TULP4: variants seen among roughly 807,000 people sequenced by gnomAD.
TULP4 encodes the protein TUB like protein 4, also known as tubby-related protein 4.
A neutral mutation model predicts 129.0 loss-of-function variants in TULP4; 16 were observed. The ratio of observed to expected loss-of-function variants is 0.12; its 90% confidence interval spans 0.08 to 0.19. The LOEUF is 0.19. TULP4 is among the 10% of genes least tolerant of loss of function. TULP4 has a pLI of 1.00. For missense variants in TULP4, 1,842 were observed against 2,059.1 expected (o/e 0.89, Z 2.04); for synonymous variants, 998 against 854.0 (o/e 1.17, Z -2.94).
At chr6:158,243,635 T>C (rs899471380) in intron 1 of TULP4, among the ~76,000 whole-genome samples, 70 of 152,168 alleles carry the variant, frequency 4.6e-4, no homozygotes, top group African/African-American at 1.6e-3. Context: ...ATTTTATTTC[T>C]TGTGTTTCCT....
chr6:158,259,082 T>C (rs1372480241), intron 1 of TULP4, among the ~76,000 whole-genome samples: 1 of 152,038 alleles, frequency 6.6e-6, no homozygotes, highest in East Asian at 1.9e-4. Context: ...ATACAAAAAT[T>C]AGCCAAGGGT....
intron 1 of TULP4, among the ~76,000 whole-genome samples, chr6:158,235,181 G>GA (rs371171313): frequency 0.18 from 23,986 of 135,670 alleles, 2,112 homozygotes; most frequent in Middle Eastern, 0.25. Flanking sequence ...CTGTCTCAAA[G>GA]AAAAAAAAAA....
At chr6:158,312,266 G>C, upstream of TULP4, 1 of 396,530 alleles carries the variant, frequency 2.5e-6, no homozygotes, top group South Asian at 1.4e-4. Context: ...GAATCAGATG[G>C]AGCAACTTGA....
intron 1 of TULP4, among the ~76,000 whole-genome samples, chr6:158,236,004 T>G (rs1448758780): frequency 6.6e-6 from 1 of 152,248 alleles, no homozygotes; most frequent in Non-Finnish European, 1.5e-5. Context: ...ATATGGATGA[T>G]GACATTCCAG....
intron 1 of TULP4, among the ~76,000 whole-genome samples, chr6:158,294,355 T>TC (rs1198828618): frequency 1.3e-5 from 2 of 148,368 alleles, no homozygotes; most frequent in African/African-American, 5.0e-5. Flanking sequence ...AGAGCAAGAC[T>TC]CCATCTCAAA....
At chr6:158,254,219 T>G (rs9356545) in intron 1 of TULP4, among the ~76,000 whole-genome samples, 49,868 of 151,758 alleles carry the variant, frequency 0.33, 9,180 homozygotes, top group Admixed American at 0.45. Context: ...CTCGGCTCAC[T>G]GCAGCCTCCG....
At chr6:158,302,778 T>C (rs1779153306) in intron 1 of TULP4, among the ~76,000 whole-genome samples, 1 of 152,010 alleles carries the variant, frequency 6.6e-6, no homozygotes, top group Non-Finnish European at 1.5e-5. Flanking sequence ...ATATTTTGAC[T>C]GGGAGCACTG....
At chr6:158,243,592 T>C (rs941136186) in intron 1 of TULP4, among the ~76,000 whole-genome samples, 5 of 152,178 alleles carry the variant, frequency 3.3e-5, no homozygotes, top group African/African-American at 1.2e-4. Context: ...AACTGAATTT[T>C]ATTCTTTGCA....
intron 1 of TULP4, among the ~76,000 whole-genome samples, chr6:158,248,120 A>G (rs1407101752): frequency 1.3e-5 from 2 of 152,192 alleles, no homozygotes; most frequent in African/African-American, 4.8e-5. Flanking sequence ...TGTTAACTGT[A>G]TGTTAACAGA....
At chr6:158,288,050 C>T (rs1314279368) in intron 1 of TULP4, among the ~76,000 whole-genome samples, 2 of 152,180 alleles carry the variant, frequency 1.3e-5, no homozygotes, top group Admixed American at 6.5e-5. Flanking sequence ...GGTTTGAATT[C>T]TGGCTTCAGC....
At chr6:158,300,108 A>T (rs1230594411) in intron 1 of TULP4, among the ~76,000 whole-genome samples, 1 of 152,272 alleles carries the variant, frequency 6.6e-6, no homozygotes, top group East Asian at 1.9e-4. Flanking sequence ...CCAGGTATGA[A>T]GGTGGTCTCT....
At position 158,453,821 on chromosome 6, in the gene TULP4, C is replaced by T. The variant is rs188212788; in HGVS notation, c.859+1553C>T. 6.0e-4 allele frequency among the ~76,000 whole-genome samples: 88 copies of T among 147,674 alleles called. 1 individual carries two copies. In the East Asian group the frequency reaches 0.015, roughly 25 times the overall value. ...AAAAAAAAAAAGCCAGGTGTGGTGG[C>T]GTGTGCCTATAGTCCCAGCTACTTG... On this transcript the variant is annotated intron_variant, in intron 5 of 13. Transcript: ENST00000367097.
At chr6:158,380,894 CAA>C (rs1227720723) in intron 1 of TULP4, among the ~76,000 whole-genome samples, 3 of 72,242 alleles carry the variant, frequency 4.2e-5, no homozygotes, top group South Asian at 5.7e-4. Context: ...ACTCTGTCTC[CAA>C]AAAAAAAAAA....
intron 1 of TULP4, among the ~76,000 whole-genome samples, chr6:158,402,941 C>T (rs1181061032): frequency 7.1e-6 from 1 of 140,508 alleles, no homozygotes; most frequent in Admixed American, 7.6e-5. Context: ...CAACCGATAA[C>T]AGCACACAAT....
At chr6:158,442,301 G>C (rs962230758) in intron 3 of TULP4, among the ~76,000 whole-genome samples, 2 of 152,162 alleles carry the variant, frequency 1.3e-5, no homozygotes, top group Non-Finnish European at 2.9e-5. Context: ...ATATATTTCA[G>C]TGTGTTTTGA....
At chr6:158,506,432 C>G (rs893633945) in intron 13 of TULP4, 146 bp from the exon 14 acceptor site, 7 of 659,398 alleles carry the variant, frequency 1.1e-5, no homozygotes, top group Non-Finnish European at 1.7e-5. Context: ...GGGGTTTCAC[C>G]GTGTTAGCCA....
chr6:158,410,753 G>T (rs1040187656), intron 1 of TULP4, among the ~76,000 whole-genome samples: 2 of 152,042 alleles, frequency 1.3e-5, no homozygotes, highest in Non-Finnish European at 2.9e-5. Flanking sequence ...AAGGACTTTT[G>T]TTGATGTTGG....
In TULP4 at chr6:158,276,541, A is replaced by G. The variant is rs116410900; in HGVS notation, n.69-35510A>G. On this transcript the variant is annotated intron_variant and non_coding_transcript_variant, in intron 1 of 1. Transcript: ENST00000620026. ...AACTCCTCCTTCTTCTAAAGCAACA[A>G]AAACGTGTTCTTAGTTGACAATGGA... Among the ~76,000 whole-genome samples, 796 of 152,008 alleles carry G rather than the reference A, an allele frequency of 5.2e-3. 6 individuals carry two copies. Among genetic ancestry groups the G allele is most frequent in the African/African-American group, 0.018 (760 of 41,458 alleles).
upstream of TULP4, among the ~76,000 whole-genome samples, chr6:158,308,960 G>A (rs75928619): frequency 0.79 from 86,600 of 109,922 alleles, 35,212 homozygotes; most frequent in South Asian, 0.87. Context: ...CCTCCCGGAC[G>A]GGGCGGCTGG....
Sources: gnomAD v4.1 joint callset for allele counts (sites outside exome capture counted in the v4.1 genomes callset) on GRCh38, gnomAD v4.1.1 for gene constraint, MANE v1.5 for transcripts, NCBI Gene and HGNC (gene_info 2026-07-23, HGNC 2026-07-21) for gene names.